SHANK2: variants seen among roughly 807,000 people sequenced by gnomAD.
SHANK2 encodes the protein SH3 and multiple ankyrin repeat domains protein 2.
In SHANK2, 43 loss-of-function variants were observed where a neutral mutation model predicts 133.7. The ratio of observed to expected loss-of-function variants is 0.32; its 90% CI spans 0.25 to 0.41. The LOEUF is 0.41. Among genes scored for constraint, SHANK2 ranks in the 10% least tolerant of loss-of-function variants. The pLI is 1.00. For missense variants in SHANK2, 1,994 were observed against 2,235.8 expected (o/e 0.89, Z 2.18); for synonymous variants, 1,017 against 952.8 (o/e 1.07, Z -1.24).
chr11:70,894,299 T>C (rs1328757072), intron 11 of SHANK2, among the ~76,000 whole-genome samples: 4 of 152,144 alleles, frequency 2.6e-5, no homozygotes, highest in Non-Finnish European at 5.9e-5. Flanking sequence ...GCGATTCTCC[T>C]GCCTCAGCCT....
At chr11:70,764,172 A>G (rs1947062139) in intron 14 of SHANK2, among the ~76,000 whole-genome samples, 1 of 128,390 alleles carries the variant, frequency 7.8e-6, no homozygotes, top group Admixed American at 9.8e-5. Context: ...TTGTCCATCA[A>G]TCCATTCACC....
intron 12 of SHANK2, among the ~76,000 whole-genome samples, chr11:70,812,340 C>T (rs1323884002): frequency 1.3e-5 from 2 of 152,196 alleles, no homozygotes; most frequent in Non-Finnish European, 2.9e-5. Context: ...CGGGCAGTGA[C>T]ATACGGTTCC....
chr11:71,219,169 G>A (rs1482779670), intron 2 of SHANK2, among the ~76,000 whole-genome samples: 1 of 152,202 alleles, frequency 6.6e-6, no homozygotes, highest in Admixed American at 6.5e-5. Context: ...GCAATGCGCT[G>A]AGATCATTTA....
At chr11:70,924,207 C>A (rs564072439) in intron 10 of SHANK2, among the ~76,000 whole-genome samples, 1 of 152,320 alleles carries the variant, frequency 6.6e-6, no homozygotes, top group East Asian at 1.9e-4. Context: ...AGGAGTCCCT[C>A]CTGACGGTAC....
intron 14 of SHANK2, among the ~76,000 whole-genome samples, chr11:70,796,160 G>A: frequency 6.6e-6 from 1 of 152,178 alleles, no homozygotes; most frequent in East Asian, 1.9e-4. Context: ...CTGTCAACGG[G>A]GCTAGAGAAA....
intron 11 of SHANK2, among the ~76,000 whole-genome samples, chr11:70,855,299 A>C (rs1555066606): frequency 6.6e-6 from 1 of 152,240 alleles, no homozygotes; most frequent in Admixed American, 6.5e-5. Context: ...GGTGAGGAGT[A>C]AGCCAGGTTT....
At chr11:70,888,005 G>A (rs552088050) in intron 11 of SHANK2, among the ~76,000 whole-genome samples, 20 of 152,306 alleles carry the variant, frequency 1.3e-4, no homozygotes, top group African/African-American at 4.8e-4. Context: ...AAGCTAAGTT[G>A]TATAAGACAA....
intron 15 of SHANK2, among the ~76,000 whole-genome samples, chr11:70,693,507 T>A (rs1416785899): frequency 6.6e-6 from 1 of 152,104 alleles, no homozygotes; most frequent in Non-Finnish European, 1.5e-5. Context: ...CATCCCTACA[T>A]AAAGCCGGCA....
rs572030378 is a variant in SHANK2, at chr11:71,195,284, C to G, written c.-13+29413G>C. Among the ~76,000 whole-genome samples, 19 of 151,982 alleles carry G rather than the reference C, an allele frequency of 1.3e-4. No individual in the cohort carries two copies. In the East Asian group the frequency reaches 3.1e-3, roughly 25 times the overall value. ...GCGGGCGCCTGTAGTCCCAGCTACT[C>G]GGGAGGCTAAGGCAGGAGAATGGCG... On this transcript the variant is annotated intron_variant, in intron 2 of 25. Coordinates refer to ENST00000601538, the MANE Select transcript of SHANK2 (RefSeq NM_012309.5).
intron 15 of SHANK2, among the ~76,000 whole-genome samples, chr11:70,687,387 G>A (rs1448233797): frequency 3.3e-5 from 5 of 152,234 alleles, no homozygotes; most frequent in Admixed American, 6.5e-5. Context: ...GCAGAGGCAC[G>A]GATATTGCCC....
intron 11 of SHANK2, among the ~76,000 whole-genome samples, chr11:70,888,596 C>T (rs1949783998): frequency 6.6e-6 from 1 of 152,078 alleles, no homozygotes; most frequent in African/African-American, 2.4e-5. Flanking sequence ...GTGGGTGGAT[C>T]ACCGGAGGTC....
chr11:70,776,137 T>G (rs947941282), intron 14 of SHANK2, among the ~76,000 whole-genome samples: 2 of 152,242 alleles, frequency 1.3e-5, no homozygotes, highest in Non-Finnish European at 2.9e-5. Flanking sequence ...AGATGGCACA[T>G]CAGTGTTTCC....
At chr11:70,641,752 G>T (rs1222425639) in intron 17 of SHANK2, among the ~76,000 whole-genome samples, 3 of 152,234 alleles carry the variant, frequency 2.0e-5, no homozygotes, top group African/African-American at 7.2e-5. Flanking sequence ...CAAATGAACA[G>T]CCAGTTTTCA....
At chr11:71,204,275 G>C (rs1025476282) in intron 2 of SHANK2, among the ~76,000 whole-genome samples, 1 of 152,234 alleles carries the variant, frequency 6.6e-6, no homozygotes, top group African/African-American at 2.4e-5. Flanking sequence ...TCTGGAAGGG[G>C]CGTGCTCACA....
At chr11:70,831,307 A>AC (rs1948721157) in intron 11 of SHANK2, among the ~76,000 whole-genome samples, 1 of 152,114 alleles carries the variant, frequency 6.6e-6, no homozygotes, top group African/African-American at 2.4e-5. Context: ...ACAGATGAAA[A>AC]ACCAGGAGGA....
At chr11:71,170,138 T>C (rs776994549) in intron 2 of SHANK2, among the ~76,000 whole-genome samples, 46 of 152,270 alleles carry the variant, frequency 3.0e-4, no homozygotes, top group Non-Finnish European at 5.6e-4. Context: ...GCTAAATTTA[T>C]TTCAATTAAT....
At position 70,486,166 on chromosome 11, in the gene SHANK2, A is replaced by G. The variant is rs2058801166; in HGVS notation, c.4127T>C (p.Val1376Ala). 1 of 1,613,588 alleles carries G rather than the reference A, an allele frequency of 6.2e-7. No homozygotes were observed. The highest frequency in any genetic ancestry group is 1.7e-5 in the Admixed American group (1 of 60,000). ...CGCCTCTTCCATGGAGCCCACCGCGACGATGGTTCTGCCGGGCACGGTGGT... is the reference window on the plus strand; with the variant it reads ...CGCCTCTTCCATGGAGCCCACCGCGGCGATGGTTCTGCCGGGCACGGTGGT... ...EPTTVPGRTI[V>A]AVGSMEEAVI... Residue 1376 changes from valine to alanine, a missense_variant, in exon 25 of 26, where the codon GTC becomes GCC. This residue lies in a region of SHANK2 where 797 missense variants were observed against 907.4 expected (regional missense o/e 0.88). Coordinates refer to ENST00000601538, the MANE Select transcript of SHANK2 (RefSeq NM_012309.5). This position sits in a 1 kb window ranked among gnomAD's most constrained non-coding sequence, Gnocchi z 8.0.
At chr11:70,523,027 A>G (rs2059350438) in intron 17 of SHANK2, among the ~76,000 whole-genome samples, 1 of 152,202 alleles carries the variant, frequency 6.6e-6, no homozygotes, top group Non-Finnish European at 1.5e-5. Flanking sequence ...TCTCCGGCAG[A>G]GGGCTTGCGG....
intron 1 of SHANK2, among the ~76,000 whole-genome samples, chr11:71,243,659 C>T (rs1370344841): frequency 3.9e-5 from 6 of 152,130 alleles, no homozygotes; most frequent in Admixed American, 3.3e-4. Flanking sequence ...CACGCCACTG[C>T]ACTCCAGCCT....
Sources: allele counts gnomAD v4.1 joint callset (sites outside exome capture counted in the v4.1 genomes callset), GRCh38; gene constraint gnomAD v4.1.1; regional missense constraint gnomAD v4.1.1; non-coding constraint Gnocchi (gnomAD v3.1); transcripts MANE v1.5; gene names NCBI Gene and HGNC (gene_info 2026-07-23, HGNC 2026-07-21).